The following GRIK1 variants were observed in gnomAD, a reference collection of about 807,000 sequenced individuals.
GRIK1 encodes glutamate ionotropic receptor kainate type subunit 1.
In GRIK1, 69 loss-of-function variants were observed where a neutral mutation model predicts 105.7. That is an observed-to-expected ratio of 0.65 (90% CI 0.54 to 0.80). The LOEUF is 0.80. Ranked by LOEUF, GRIK1 falls within the 30% of genes least tolerant of loss-of-function variation. The pLI is 0.00. For missense variants in GRIK1, 1,109 were observed against 1,167.3 expected, an observed-to-expected ratio of 0.95 and a Z score of 0.73; for synonymous variants, 438 against 431.3, an observed-to-expected ratio of 1.02 and a Z score of -0.19.
chr21:29,565,509 TAC>T (rs1769116686), intron 14 of GRIK1, among the ~76,000 whole-genome samples: 3 of 152,356 alleles, frequency 2.0e-5, no homozygotes, highest in Admixed American at 2.0e-4. Context: ...CTCGGCTCAC[TAC>T]AACCTCTGAC....
chr21:29,642,975 G>C lies in GRIK1; in HGVS notation c.955-6C>G. 3 of 1,612,560 alleles carry C rather than the reference G, an allele frequency of 1.9e-6. No individual in the cohort carries two copies. The highest frequency in any genetic ancestry group is 2.5e-6 in the Non-Finnish European group (3 of 1,179,126). On this transcript the variant is annotated splice_region_variant and splice_polypyrimidine_tract_variant and intron_variant, in intron 6 of 17. Coordinates refer to ENST00000327783, the MANE Select transcript of GRIK1 (RefSeq NM_001330994.2). ...TACATCAGAGCCGCTTCAGTCTGTG[G>C]AGGAAAACACACACCGCATCTTAAA...
At chr21:29,602,837 A>G (rs1405296307) in intron 7 of GRIK1, among the ~76,000 whole-genome samples, 3 of 152,160 alleles carry the variant, frequency 2.0e-5, no homozygotes, top group African/African-American at 4.8e-5. Context: ...GGTGTTTTAA[A>G]CATGTGTTGC....
chr21:29,594,911 C>G (rs60501184), intron 9 of GRIK1, among the ~76,000 whole-genome samples: 1,885 of 152,160 alleles, frequency 0.012, 42 homozygotes, highest in African/African-American at 0.043. Context: ...TAATACTATT[C>G]TAAAATAAGT....
chr21:29,664,476 C>T (rs2063022858), intron 4 of GRIK1, among the ~76,000 whole-genome samples: 1 of 152,070 alleles, frequency 6.6e-6, no homozygotes, highest in South Asian at 2.1e-4. Context: ...AATACATTCC[C>T]TTTTTAGAGA....
chr21:29,686,934 A>G (rs1488688255), intron 3 of GRIK1, among the ~76,000 whole-genome samples: 5 of 152,146 alleles, frequency 3.3e-5, no homozygotes, highest in African/African-American at 1.2e-4. Flanking sequence ...ATGGGCAGCA[A>G]TTTCTCATTG....
intron 1 of GRIK1, among the ~76,000 whole-genome samples, chr21:29,795,723 T>C (rs1464056792): frequency 1.3e-5 from 2 of 152,256 alleles, no homozygotes; most frequent in African/African-American, 2.4e-5. Context: ...TAACTTTTGA[T>C]GACTCTGTGA....
chr21:29,543,028 A>T (rs2089995411), intron 16 of GRIK1, among the ~76,000 whole-genome samples: 1 of 152,202 alleles, frequency 6.6e-6, no homozygotes, highest in Non-Finnish European at 1.5e-5. Flanking sequence ...TATGATTTGG[A>T]GTATTTTTAT....
Position 29,768,718 on chromosome 21 carries a change from A to T in GRIK1, c.119-74655T>A, listed in dbSNP as rs200661995. Among the ~76,000 whole-genome samples the T allele has an allele frequency of 2.0e-5, 3 of 152,174 alleles. No homozygotes were observed. The East Asian group carries it at 5.8e-4, about 29-fold the overall frequency. On this transcript the variant is annotated intron_variant, in intron 1 of 17. Coordinates refer to ENST00000327783, the MANE Select transcript of GRIK1 (RefSeq NM_001330994.2). ...GAAGAGAGAGGCAGCCAGACAGACCATGCTGAAGAGTTGTCTATTTCAGTC... is the reference window on the plus strand; with the variant it reads ...GAAGAGAGAGGCAGCCAGACAGACCTTGCTGAAGAGTTGTCTATTTCAGTC...
At chr21:29,786,209 G>A (rs558085081) in intron 1 of GRIK1, among the ~76,000 whole-genome samples, 5 of 152,200 alleles carry the variant, frequency 3.3e-5, no homozygotes, top group East Asian at 3.9e-4. Flanking sequence ...GGATGGTCTC[G>A]ATCTCTTGAC....
At chr21:29,808,189 AC>A (rs1481021683) in intron 1 of GRIK1, among the ~76,000 whole-genome samples, 1 of 152,154 alleles carries the variant, frequency 6.6e-6, no homozygotes, top group Non-Finnish European at 1.5e-5. Flanking sequence ...GAAGTGACTG[AC>A]AAGAATTGGT....
intron 1 of GRIK1, among the ~76,000 whole-genome samples, chr21:29,780,545 A>G (rs951163680): frequency 6.6e-5 from 10 of 152,188 alleles, no homozygotes; most frequent in African/African-American, 9.7e-5. Context: ...TGCCTGAAGT[A>G]GCGGAGAATT....
intron 1 of GRIK1, among the ~76,000 whole-genome samples, chr21:29,827,975 ATCTCTC>A (rs71335097): frequency 3.5e-5 from 4 of 113,504 alleles, no homozygotes; most frequent in African/African-American, 6.1e-5. Flanking sequence ...TATAGTTAGG[ATCTCTC>A]TCTCTCTCTC....
intron 4 of GRIK1, among the ~76,000 whole-genome samples, chr21:29,666,814 C>T (rs147945303): frequency 7.9e-5 from 12 of 152,272 alleles, no homozygotes; most frequent in Admixed American, 3.9e-4. Context: ...TGCAATAAGA[C>T]GAGAATCAGT....
intron 1 of GRIK1, among the ~76,000 whole-genome samples, chr21:29,797,022 G>A (rs890686945): frequency 8.6e-5 from 13 of 151,904 alleles, no homozygotes; most frequent in Admixed American, 2.0e-4. Context: ...TTTCTAATGC[G>A]TTAGTACAAA....
chr21:29,619,313 TG>T (rs1162593958), intron 7 of GRIK1, among the ~76,000 whole-genome samples: 1 of 151,504 alleles, frequency 6.6e-6, no homozygotes, highest in Non-Finnish European at 1.5e-5. Flanking sequence ...AGCGTGCACC[TG>T]TAGGCCCAGC....
chr21:29,556,513 G>A (rs1020226999), intron 15 of GRIK1, among the ~76,000 whole-genome samples: 4 of 152,054 alleles, frequency 2.6e-5, no homozygotes, highest in East Asian at 3.9e-4. Flanking sequence ...TAGGCTCTTT[G>A]TTGTCTCATA....
chr21:29,658,112 T>C (rs1318297722), intron 4 of GRIK1, among the ~76,000 whole-genome samples: 1 of 152,122 alleles, frequency 6.6e-6, no homozygotes, highest in Non-Finnish European at 1.5e-5. Context: ...TACTTAATTG[T>C]CACAATTAAT....
chr21:29,907,004 T>G (rs1450008976), intron 1 of GRIK1, among the ~76,000 whole-genome samples: 1 of 150,908 alleles, frequency 6.6e-6, no homozygotes, highest in East Asian at 1.9e-4. Flanking sequence ...CTTCTCTCTT[T>G]GAGATGAATC....
chr21:29,652,662 A>T (rs529131901), intron 5 of GRIK1, among the ~76,000 whole-genome samples: 2 of 152,246 alleles, frequency 1.3e-5, no homozygotes, highest in Non-Finnish European at 2.9e-5. Flanking sequence ...ATATGAAAAG[A>T]CTAGATTTAA....
Sources: allele counts gnomAD v4.1 joint callset (sites outside exome capture counted in the v4.1 genomes callset), GRCh38; gene constraint gnomAD v4.1.1; transcripts MANE v1.5; gene names NCBI Gene and HGNC (gene_info 2026-07-23, HGNC 2026-07-21).